The following MIP variants were observed in gnomAD, a reference collection of about 807,000 sequenced individuals.
The protein encoded by MIP is lens fiber major intrinsic protein.
In MIP, 14 loss-of-function variants were observed where a neutral mutation model predicts 21.8. The ratio of observed to expected loss-of-function variants is 0.64; its 90% CI spans 0.42 to 1.00. MIP has a LOEUF of 1.00. Among genes scored for constraint, MIP ranks in the 50% least tolerant of loss-of-function variants. The pLI is 0.00. For synonymous variants in MIP, 133 were observed against 141.4 expected, an observed-to-expected ratio of 0.94 and a Z score of 0.42; for missense variants, 260 against 333.5, an observed-to-expected ratio of 0.78 and a Z score of 1.72.
At position 56,450,785 on chromosome 12, in the gene MIP, G is replaced by T; in HGVS notation, c.*495C>A. The T allele has an allele frequency of 6.0e-6, 1 of 167,294 alleles. No individual in the cohort carries two copies. The highest frequency in any genetic ancestry group is 1.3e-5 in the Non-Finnish European group (1 of 76,368). 10.4% of individuals were successfully genotyped at this position (167,294 alleles called of 1,614,324 possible). ...GAGTCCCTTCTCCTAACCCTTGGAA[G>T]CCTTGTCTCCTCCACTTCTCTCCAT... On this transcript the variant is annotated 3_prime_UTR_variant, in exon 4 of 4. Transcript: ENST00000652304.
upstream of MIP, among the ~76,000 whole-genome samples, chr12:56,455,524 A>G (rs927483265): frequency 4.6e-5 from 7 of 152,338 alleles, no homozygotes; most frequent in South Asian, 2.1e-4. Flanking sequence ...GGAAGGTCTA[A>G]TGTCCTTTAA....
Position 56,454,505 on chromosome 12 carries a change from C to T in MIP, c.109G>A (p.Gly37Arg). 2 of 1,612,848 alleles carry T rather than the reference C, an allele frequency of 1.2e-6. No homozygotes were observed. Among genetic ancestry groups the T allele is most frequent in the South Asian group, 1.1e-5 (1 of 90,918 alleles). Residue 37 changes from glycine (G) to arginine (R), a missense_variant, in exon 1 of 4, where the codon GGA becomes AGA. Coordinates refer to ENST00000652304, the MANE Select transcript of MIP (RefSeq NM_012064.4). ...GCCACCTGCAGAACATGCAGGGGTC[C>T]AGGAGCCCAGCGCAGTGAGGACCCC... ...GLGSSLRWAP[G>R]PLHVLQVAMA...
In MIP at chr12:56,454,532, G is replaced by A. The variant is rs1417945643; in HGVS notation, c.82C>T (p.Leu28=). The A allele has an allele frequency of 1.9e-6, 3 of 1,613,616 alleles. No individual in the cohort carries two copies. Among genetic ancestry groups the A allele is most frequent in the Non-Finnish European group, 2.5e-6 (3 of 1,179,722 alleles). ...GGAGCCCAGCGCAGTGAGGACCCCA[G>A]CCCAAAGAAGACATAGAAGAGGGTG... ...FATLFYVFFG[L]GSSLRWAPGP... Residue 28 remains leucine, a synonymous_variant, in exon 1 of 4, where the codon CTG becomes TTG. Coordinates refer to ENST00000652304, the MANE Select transcript of MIP (RefSeq NM_012064.4).
chr12:56,452,994 G>C (rs561450189), intron 3 of MIP, 78 bp downstream of exon 3: 21 of 987,800 alleles, frequency 2.1e-5, no homozygotes, highest in Non-Finnish European at 3.3e-5. Context: ...CAGAAGGAAA[G>C]CAGGAATCCA....
Position 56,454,468 on chromosome 12 carries a change from C to G in MIP, c.146G>C (p.Gly49Ala). ...CTGCACCAGTGTAGCCAGGGCCAAG[C>G]CAAATGCCATAGCCACCTGCAGAAC... is the stretch of plus-strand genomic sequence containing the variant. ...LHVLQVAMAF[G>A]LALATLVQSV... is the part of the protein sequence containing the mutation. Residue 49 changes from glycine to alanine, a missense_variant, in exon 1 of 4, where the codon GGC becomes GCC. By Grantham distance (60) the Gly-to-Ala change is moderately conservative. Transcript: ENST00000652304. 6.2e-7 allele frequency: 1 copy of G among 1,613,218 alleles called. No homozygotes were observed. The highest frequency in any genetic ancestry group is 8.5e-7 in the Non-Finnish European group (1 of 1,179,358).
In MIP at chr12:56,454,305, C is replaced by T. The variant is rs1454367379; in HGVS notation, c.309G>A (p.Val103=). 2 of 1,613,948 alleles carry T rather than the reference C, an allele frequency of 1.2e-6. No individual in the cohort carries two copies. Among genetic ancestry groups the T allele is most frequent in the African/African-American group, 1.3e-5 (1 of 74,918 alleles). The stretch of plus-strand genomic sequence containing the variant: ...CAGCAGGTGGGGTAACGCTATACAG[C>T]ACAGCGGCCCCAGCCACAGCTCCCA... ...QLLGAVAGAA[V]LYSVTPPAVR... Residue 103 remains valine, a synonymous_variant, in exon 1 of 4, where the codon GTG becomes GTA. Transcript: ENST00000652304.
Position 56,453,692 on chromosome 12 carries a change from C to G in MIP, c.424G>C (p.Val142Leu), listed in dbSNP as rs966166555. 4 of 1,614,130 alleles carry G rather than the reference C, an allele frequency of 2.5e-6. No individual in the cohort carries two copies. The highest frequency in any genetic ancestry group is 3.4e-6 in the Non-Finnish European group (4 of 1,180,016). ...TVEIFLTLQFVLCIFATYDER... is the reference protein window; with the variant it reads ...TVEIFLTLQFLLCIFATYDER... ...TCGTATGTGGCAAAGATGCAGAGCACGAACTGGAGCGTCAGGAAGATCTCC... is the reference window on the plus strand; with the variant it reads ...TCGTATGTGGCAAAGATGCAGAGCAGGAACTGGAGCGTCAGGAAGATCTCC... Residue 142 changes from valine to leucine, a missense_variant, in exon 2 of 4, where the codon GTG (valine) becomes CTG (leucine). Transcript: ENST00000652304.
rs374504704 is a variant in MIP at position 56,453,552 on chromosome 12, G to A, written c.525+39C>T. On this transcript the variant is annotated intron_variant, in intron 2 of 3. Transcript: ENST00000652304. ...AAGTTGGGAAAGGTTTAGGGGCCCC[G>A]GAATCCTTGAATGAGAAGTTGCTCT... 103 of 1,613,674 alleles carry A rather than the reference G, an allele frequency of 6.4e-5. No homozygotes were observed. In the Admixed American group the frequency reaches 9.5e-4, roughly 15 times the overall value.
At position 56,451,097 on chromosome 12, in the gene MIP, TG is replaced by T; in HGVS notation, c.*182del. The T allele has an allele frequency of 1.7e-6, 1 of 599,298 alleles. No individual in the cohort carries two copies. The highest frequency in any genetic ancestry group is 2.8e-5 in the East Asian group (1 of 35,376). 37.1% of individuals were successfully genotyped at this position (599,298 alleles called of 1,614,324 possible). A position where few individuals can be genotyped will look rare whatever the true frequency, so the allele number is the denominator to read the frequency against. On this transcript the variant is annotated 3_prime_UTR_variant, in exon 4 of 4. Transcript: ENST00000652304. ...AGGGAAGTTTGCACCAACCAGCTCA[TG>T]AATGCAACTTGAAAGATTTCACACA...
upstream of MIP, among the ~76,000 whole-genome samples, chr12:56,456,222 G>C (rs531080880): frequency 1.9e-4 from 29 of 152,260 alleles, no homozygotes; most frequent in East Asian, 5.4e-3. Flanking sequence ...AAGCATGCAG[G>C]GTTCACACTG....
chr12:56,451,420 G>C lies in MIP; in HGVS notation c.652C>G (p.Leu218Val). Residue 218 changes from leucine to valine, a missense_variant, in exon 4 of 4, where the codon CTG (leucine) becomes GTG (valine). Physicochemically the swap from Leu to Val is conservative, Grantham distance 32. Transcript: ENST00000652304. ...CGGGGGAAGAGAAGAAAGTCGTACA[G>C]GAGGCTGCCCAGACCCCCTCCAATG... ...PIIGGGLGSL[L>V]YDFLLFPRLK... The C allele has an allele frequency of 4.3e-6, 7 of 1,614,152 alleles. No homozygotes were observed. Among genetic ancestry groups the C allele is most frequent in the Non-Finnish European group, 5.9e-6 (7 of 1,180,034 alleles).
At position 56,453,287 on chromosome 12, in the gene MIP, T is replaced by A. The variant is rs1022444885; in HGVS notation, c.526-135A>T. On this transcript the variant is annotated intron_variant, in intron 2 of 3. Coordinates refer to ENST00000652304, the MANE Select transcript of MIP (RefSeq NM_012064.4). ...AGTGGAGAGGGACAGCCTGCATGAC[T>A]CTCCAGGGGTTCCTGCAATGGGGTG... 39 of 765,058 alleles carry A rather than the reference T, an allele frequency of 5.1e-5. No individual in the cohort carries two copies. In the African/African-American group the frequency reaches 6.4e-4, roughly 12 times the overall value. 47.4% of individuals were successfully genotyped at this position (765,058 alleles called of 1,614,324 possible).
rs1868545525 is a variant in MIP at position 56,450,212 on chromosome 12, A to T, written c.*1068T>A. On this transcript the variant is annotated 3_prime_UTR_variant, in exon 4 of 4. Transcript: ENST00000652304. ...TACACAGACACAAAACAAGAAAAAAAACACGGAACTAGTGATAAAAGCAGA... is the reference window on the plus strand; with the variant it reads ...TACACAGACACAAAACAAGAAAAAATACACGGAACTAGTGATAAAAGCAGA... 6.6e-6 allele frequency: 1 copy of T among 152,260 alleles called. No homozygotes were observed. The highest frequency in any genetic ancestry group is 2.4e-5 in the African/African-American group (1 of 41,464). The allele number at this position is 152,260 out of a possible 1,614,324, so 9.4% of individuals were successfully genotyped here.
At position 56,451,448 on chromosome 12, in the gene MIP, T is replaced by C. The variant is rs1463101594; in HGVS notation, c.624A>G (p.Pro208=). 6.2e-7 allele frequency: 1 copy of C among 1,614,108 alleles called. No homozygotes were observed. Among genetic ancestry groups the C allele is most frequent in the Admixed American group, 1.7e-5 (1 of 60,020 alleles). The stretch of plus-strand genomic sequence containing the variant: ...GGCTGCCCAGACCCCCTCCAATGAT[T>C]GGGCCTACCCAGTACACCTGTAGAA... ...FTNHWVYWVG[P]IIGGGLGSLL... is the part of the protein sequence containing the mutation. The change falls in exon 4 of 4, where the codon CCA becomes CCG. Residue 208 remains proline, a synonymous_variant. Coordinates refer to ENST00000652304, the MANE Select transcript of MIP (RefSeq NM_012064.4).
Position 56,453,628 on chromosome 12 carries a change from G to T in MIP, c.488C>A (p.Ala163Asp), listed in dbSNP as rs1868689296. 1 of 1,614,250 alleles carries T rather than the reference G, an allele frequency of 6.2e-7. No homozygotes were observed. Among genetic ancestry groups the T allele is most frequent in the East Asian group, 2.2e-5 (1 of 44,890 alleles). ...CCCCAGGGCAAGGGAGAAGCCAACG[G>T]CCAGGGCCACGGAGCCCAGTTGGCC... ...RNGQLGSVALAVGFSLALGHL... is the reference protein window; with the variant it reads ...RNGQLGSVALDVGFSLALGHL... The change falls in exon 2 of 4, where the codon GCC becomes GAC. Residue 163 changes from alanine (A) to aspartate (D), a missense_variant. Transcript: ENST00000652304.
In MIP at chr12:56,449,915, C is replaced by T. The variant is rs1227742022; in HGVS notation, c.*1365G>A. ...GCTGTGCTCTGGCCCCCTGTAATCCCAGCTACTGGGGAGGCTGAAGCAGGA... is the reference window on the plus strand; with the variant it reads ...GCTGTGCTCTGGCCCCCTGTAATCCTAGCTACTGGGGAGGCTGAAGCAGGA... On this transcript the variant is annotated 3_prime_UTR_variant, in exon 4 of 4. Coordinates refer to ENST00000652304, the MANE Select transcript of MIP (RefSeq NM_012064.4). The T allele has an allele frequency of 6.6e-6, 1 of 152,116 alleles. No homozygotes were observed. The highest frequency in any genetic ancestry group is 1.5e-5 in the Non-Finnish European group (1 of 68,076). The allele number at this position is 152,116 out of a possible 1,614,324, so 9.4% of individuals were successfully genotyped here. A position where few individuals can be genotyped will look rare whatever the true frequency, so the allele number is the denominator to read the frequency against.
chr12:56,453,252 G>T, intron 2 of MIP, 100 bp from the exon 3 acceptor site: 1 of 916,210 alleles, frequency 1.1e-6, no homozygotes, highest in Non-Finnish European at 1.8e-6. Context: ...CTTTTCTCCA[G>T]CCAGCAGCAA....
Position 56,454,625 on chromosome 12 carries a change from T to G in MIP, c.-12A>C. The stretch of plus-strand genomic sequence containing the variant: ...CGCAGTTCCCACATGGCAGGGGGGA[T>G]GGTCACAGTGCCTGGGTCCCTGCTA... On this transcript the variant is annotated 5_prime_UTR_variant, in exon 1 of 4. Coordinates refer to ENST00000652304, the MANE Select transcript of MIP (RefSeq NM_012064.4). 6.2e-7 allele frequency: 1 copy of G among 1,613,452 alleles called. No individual in the cohort carries two copies.
Position 56,451,165 on chromosome 12 carries a change from TAA to T in MIP, c.*113_*114del. ...AAAAAAAACAACCACATACATAAGT[TAA>T]AAAATAAAGAAGTACATGACCCTCC... On this transcript the variant is annotated 3_prime_UTR_variant, in exon 4 of 4. Transcript: ENST00000652304. 1 of 853,128 alleles carries T rather than the reference TAA, an allele frequency of 1.2e-6. No individual in the cohort carries two copies. Among genetic ancestry groups the T allele is most frequent in the Non-Finnish European group, 1.9e-6 (1 of 536,340 alleles). 52.8% of individuals were successfully genotyped at this position (853,128 alleles called of 1,614,324 possible).
Sources: gnomAD v4.1 joint callset for allele counts (sites outside exome capture counted in the v4.1 genomes callset) on GRCh38, gnomAD v4.1.1 for gene constraint, MANE v1.5 for transcripts, NCBI Gene and HGNC (gene_info 2026-07-23, HGNC 2026-07-21) for gene names.